The following RAPGEF6 variants were observed in gnomAD, a reference collection of about 807,000 sequenced individuals.
RAPGEF6 encodes the protein PDZ domain containing guanine nucleotide exchange factor (GEF) 2.
RAPGEF6 carries 56 observed loss-of-function variants against 171.4 expected under a neutral mutation model. That is an observed-to-expected ratio of 0.33 (90% confidence interval 0.26 to 0.41). RAPGEF6 has a LOEUF of 0.41. RAPGEF6 is among the 10% of genes least tolerant of loss of function. The probability of loss-of-function intolerance (pLI) is 1.00; values close to 1 mark genes in which losing one functional copy is unlikely to be tolerated. For missense variants in RAPGEF6, 1,674 were observed against 1,921.4 expected (o/e 0.87, Z 2.41); for synonymous variants, 692 against 650.1 (o/e 1.06, Z -0.98).
At chr5:131,634,904 G>C (rs1766542178) in intron 1 of RAPGEF6, 58 bp downstream of exon 1, 8 of 1,594,092 alleles carry the variant, frequency 5.0e-6, no homozygotes, top group Non-Finnish European at 6.9e-6. Flanking sequence ...ATTTCGGACA[G>C]ACAGGAGGAT....
At chr5:131,556,051 A>G (rs1009537299) in intron 5 of RAPGEF6, among the ~76,000 whole-genome samples, 12 of 152,266 alleles carry the variant, frequency 7.9e-5, no homozygotes, top group South Asian at 2.1e-4. Context: ...CAGAAAAGGT[A>G]CAGTAAAAAT....
intron 1 of RAPGEF6, among the ~76,000 whole-genome samples, chr5:131,611,554 C>A (rs779605698): frequency 1.8e-4 from 28 of 152,212 alleles, no homozygotes; most frequent in Non-Finnish European, 2.9e-4. Context: ...TGCCTACAAT[C>A]CCAGCTACTC....
intron 6 of RAPGEF6, among the ~76,000 whole-genome samples, chr5:131,540,474 G>A (rs1043067939): frequency 2.6e-5 from 4 of 152,176 alleles, no homozygotes; most frequent in African/African-American, 9.7e-5. Context: ...GCTAAGGCAG[G>A]TCGTTAGAGC....
At chr5:131,536,760 C>T (rs753098695) in intron 6 of RAPGEF6, among the ~76,000 whole-genome samples, 3 of 152,106 alleles carry the variant, frequency 2.0e-5, no homozygotes, top group Non-Finnish European at 2.9e-5. Context: ...ATCTTCATAC[C>T]TGCACAAAAG....
chr5:131,459,072 C>A (rs1305838649), intron 19 of RAPGEF6, among the ~76,000 whole-genome samples: 1 of 151,954 alleles, frequency 6.6e-6, no homozygotes, highest in Non-Finnish European at 1.5e-5. Context: ...TTTGACTAGC[C>A]CTATCAGACC....
At chr5:131,486,678 A>T (rs1755911439) in intron 15 of RAPGEF6, among the ~76,000 whole-genome samples, 1 of 148,254 alleles carries the variant, frequency 6.7e-6, no homozygotes, top group Admixed American at 6.7e-5. Context: ...TTTCTCAATG[A>T]TTGTTGTTTA....
chr5:131,517,104 A>C (rs1253337826), intron 7 of RAPGEF6, among the ~76,000 whole-genome samples: 1 of 152,154 alleles, frequency 6.6e-6, no homozygotes, highest in Non-Finnish European at 1.5e-5. Flanking sequence ...AACACCAGAC[A>C]CTGGGGTCTA....
chr5:131,607,894 C>T lies in RAPGEF6; in HGVS notation c.70-3201G>A, dbSNP rs75700578. Among the ~76,000 whole-genome samples the T allele has an allele frequency of 7.0e-3, 1,070 of 152,228 alleles. 15 individuals are homozygous for T. Among genetic ancestry groups the T allele is most frequent in the African/African-American group, 0.025 (1,028 of 41,526 alleles). Reference sequence around the variant, plus strand: ...TAGACTTACTCTTCACCTAAAACAACTAAAAACAACAACAAAAAAGACAAA... The same window carrying T: ...TAGACTTACTCTTCACCTAAAACAATTAAAAACAACAACAAAAAAGACAAA... On this transcript the variant is annotated intron_variant, in intron 1 of 27. Transcript: ENST00000509018.
At chr5:131,564,863 G>C (rs1164503234) in intron 4 of RAPGEF6, among the ~76,000 whole-genome samples, 1 of 152,160 alleles carries the variant, frequency 6.6e-6, no homozygotes, top group African/African-American at 2.4e-5. Flanking sequence ...CATAAGGTCT[G>C]TTTGTTCCAT....
chr5:131,555,545 G>A (rs944164437), intron 5 of RAPGEF6, among the ~76,000 whole-genome samples: 2 of 151,566 alleles, frequency 1.3e-5, no homozygotes, highest in Non-Finnish European at 2.9e-5. Flanking sequence ...ATTTATTTAT[G>A]CATCTATTAG....
intron 11 of RAPGEF6, 134 bp from the exon 12 acceptor site, chr5:131,498,741 T>C: frequency 1.3e-6 from 1 of 792,054 alleles, no homozygotes. Context: ...TTTAAATCCT[T>C]AGCGCTGGGA....
Position 131,431,349 on chromosome 5 carries a change from C to A in RAPGEF6, c.3975G>T (p.Gly1325=). Residue 1325 remains glycine, a splice_region_variant and synonymous_variant, in exon 26 of 28, where the codon GGG becomes GGT. Transcript: ENST00000509018. The part of the protein sequence containing the change: ...GIGDHSQHGP[G]WTLLKPSLIK... Reference sequence around the variant, plus strand: ...TTAGAGATGGCTTCAAGAGTGTCCACCTAAAATTGGAGATAACGTACAATT... The same window carrying A: ...TTAGAGATGGCTTCAAGAGTGTCCAACTAAAATTGGAGATAACGTACAATT... 2 of 1,583,450 alleles carry A rather than the reference C, an allele frequency of 1.3e-6. No individual in the cohort carries two copies. The highest frequency in any genetic ancestry group is 2.3e-5 in the South Asian group (2 of 88,766).
chr5:131,568,780 A>G (rs57931588), intron 4 of RAPGEF6, among the ~76,000 whole-genome samples: 4,711 of 152,322 alleles, frequency 0.031, 301 homozygotes, highest in East Asian at 0.27. Context: ...CAGACTGGAA[A>G]GAAAGAAATG....
intron 6 of RAPGEF6, among the ~76,000 whole-genome samples, chr5:131,529,123 T>A (rs1759189269): frequency 6.9e-6 from 1 of 144,114 alleles, no homozygotes. Flanking sequence ...CCCAAAAAAC[T>A]CAATTTGATT....
rs1416965228 is a variant in RAPGEF6 at position 131,492,762 on chromosome 5, T to A, written c.1551A>T (p.Leu517Phe). The change falls in exon 14 of 28, where the codon TTA becomes TTT. Residue 517 changes from leucine to phenylalanine, a missense_variant. Coordinates refer to ENST00000509018, the MANE Select transcript of RAPGEF6 (RefSeq NM_016340.6). ...EDTKMNGHLR[L>F]LNIACAAKAK... ...CCTTTGCAGCACAGGCAATATTCAA[T>A]AACCGGAGATGACCATTCATCTTCT... The A allele has an allele frequency of 6.2e-7, 1 of 1,613,420 alleles. No homozygotes were observed. Among genetic ancestry groups the A allele is most frequent in the African/African-American group, 1.3e-5 (1 of 74,910 alleles).
At chr5:131,493,621 T>G (rs918113909) in intron 13 of RAPGEF6, among the ~76,000 whole-genome samples, 1 of 152,178 alleles carries the variant, frequency 6.6e-6, no homozygotes, top group East Asian at 1.9e-4. Flanking sequence ...CAGTTTCAAT[T>G]ATCTCAAATA....
intron 6 of RAPGEF6, among the ~76,000 whole-genome samples, chr5:131,542,875 T>C (rs140938691): frequency 3.6e-4 from 55 of 152,266 alleles, no homozygotes; most frequent in African/African-American, 1.3e-3. Context: ...AGGAAATACA[T>C]AGAAAACAGG....
At chr5:131,508,289 C>A in intron 8 of RAPGEF6, 82 bp from the exon 9 acceptor site, 2 of 1,274,572 alleles carry the variant, frequency 1.6e-6, no homozygotes, top group South Asian at 1.8e-5. Context: ...ATTCAATTCC[C>A]AATTTCACAA....
At chr5:131,472,494 G>A in intron 17 of RAPGEF6, 93 bp downstream of exon 17, 2 of 1,397,772 alleles carry the variant, frequency 1.4e-6, no homozygotes, top group Non-Finnish European at 2.0e-6. Flanking sequence ...TAAGAGGGCT[G>A]CAAGTAACTC....
Sources: allele counts gnomAD v4.1 joint callset (sites outside exome capture counted in the v4.1 genomes callset), GRCh38; gene constraint gnomAD v4.1.1; transcripts MANE v1.5; gene names NCBI Gene and HGNC (gene_info 2026-07-23, HGNC 2026-07-21).